The following FYN variants were observed in gnomAD, a reference collection of about 807,000 sequenced individuals.
The protein encoded by FYN is tyrosine-protein kinase Fyn.
FYN carries 10 observed loss-of-function variants against 70.2 expected under a neutral mutation model. The observed-to-expected ratio is 0.14, with a 90% CI of 0.09 to 0.24. FYN has a LOEUF of 0.24. Among genes scored for constraint, FYN ranks in the 10% least tolerant of loss-of-function variants. The pLI is 1.00. For missense variants in FYN, 319 were observed against 673.1 expected (o/e 0.47, Z 5.82); for synonymous variants, 236 against 248.6 (o/e 0.95, Z 0.48).
At chr6:111,808,616 C>G (rs1583461873) in intron 2 of FYN, among the ~76,000 whole-genome samples, 1 of 152,156 alleles carries the variant, frequency 6.6e-6, no homozygotes, top group East Asian at 1.9e-4. Context: ...ACATAGAAGT[C>G]AATTTTCTGG....
At chr6:111,720,520 A>T (rs528434482) in intron 3 of FYN, among the ~76,000 whole-genome samples, 1 of 152,334 alleles carries the variant, frequency 6.6e-6, no homozygotes, top group East Asian at 1.9e-4. Flanking sequence ...GTGTTGGATA[A>T]GCCAGAATAC....
At chr6:111,725,069 G>T (rs1801131155) in intron 3 of FYN, among the ~76,000 whole-genome samples, 1 of 152,088 alleles carries the variant, frequency 6.6e-6, no homozygotes, top group South Asian at 2.1e-4. Flanking sequence ...TTAGGAAAAG[G>T]ATAAGATGTG....
At chr6:111,788,271 T>C (rs1052340170) in intron 2 of FYN, among the ~76,000 whole-genome samples, 3 of 152,226 alleles carry the variant, frequency 2.0e-5, no homozygotes, top group African/African-American at 7.2e-5. Context: ...CTTCGAACCA[T>C]TGGCACCTTG....
chr6:111,859,224 T>C (rs1773898129), intron 1 of FYN, among the ~76,000 whole-genome samples: 1 of 152,192 alleles, frequency 6.6e-6, no homozygotes, highest in African/African-American at 2.4e-5. Context: ...CTGATTCATA[T>C]GATGTTTTCT....
intron 2 of FYN, among the ~76,000 whole-genome samples, chr6:111,809,116 G>A (rs980540342): frequency 6.6e-6 from 1 of 152,144 alleles, no homozygotes; most frequent in African/African-American, 2.4e-5. Context: ...CATACTCATG[G>A]CCTATAGCAA....
chr6:111,820,132 T>C (rs1390050302), intron 2 of FYN: 1 of 152,232 alleles, frequency 6.6e-6, no homozygotes, highest in African/African-American at 2.4e-5. Flanking sequence ...TCCATGATAC[T>C]GAATGGGAAC....
At chr6:111,702,807 C>CT in intron 8 of FYN, 78 bp downstream of exon 8, 1 of 1,424,890 alleles carries the variant, frequency 7.0e-7, no homozygotes, top group Non-Finnish European at 9.7e-7. Flanking sequence ...AGTTTTACCC[C>CT]TTTCCACTTT....
chr6:111,666,758 A>G (rs1008047080), intron 13 of FYN, among the ~76,000 whole-genome samples: 4 of 152,102 alleles, frequency 2.6e-5, no homozygotes, highest in Non-Finnish European at 5.9e-5. Context: ...GCTTGAGCCC[A>G]GGAGGTTGAG....
chr6:111,779,098 C>T (rs570222808), intron 3 of FYN, among the ~76,000 whole-genome samples: 1 of 147,242 alleles, frequency 6.8e-6, no homozygotes, highest in Non-Finnish European at 1.5e-5. Flanking sequence ...TTTGAATTCC[C>T]TTGTCAGGGA....
chr6:111,672,500 T>C (rs928094356), intron 13 of FYN, among the ~76,000 whole-genome samples: 2 of 152,192 alleles, frequency 1.3e-5, no homozygotes. Flanking sequence ...CTGACCCCAT[T>C]ATCAGAATGA....
intron 2 of FYN, among the ~76,000 whole-genome samples, chr6:111,784,769 G>A (rs1191685043): frequency 1.3e-5 from 2 of 152,134 alleles, no homozygotes; most frequent in African/African-American, 2.4e-5. Flanking sequence ...CCAATTACTT[G>A]GGGAAAAGGA....
At position 111,714,579 on chromosome 6, in the gene FYN, T is replaced by G. The variant is rs1800532507; in HGVS notation, c.248-136A>C. ...CTAATAACATGATGAAGTGTTGTAA[T>G]TAACGTGTCAAAACCACAGTCACAG... is the stretch of plus-strand genomic sequence containing the variant. On this transcript the variant is annotated intron_variant, in intron 4 of 13. Transcript: ENST00000354650. 1.3e-5 allele frequency: 9 copies of G among 687,184 alleles called. 1 individual carries two copies. Among genetic ancestry groups the G allele is most frequent in the South Asian group, 1.0e-4 (6 of 57,220 alleles). 42.6% of individuals were successfully genotyped at this position (687,184 alleles called of 1,614,324 possible). A position where few individuals can be genotyped will look rare whatever the true frequency, so the allele number is the denominator to read the frequency against.
intron 2 of FYN, among the ~76,000 whole-genome samples, chr6:111,811,795 G>A (rs774647869): frequency 3.9e-5 from 6 of 152,188 alleles, no homozygotes; most frequent in Non-Finnish European, 7.3e-5. Context: ...GGTATTGCTA[G>A]TCAGCTGTGG....
At chr6:111,811,035 T>C (rs1032804550) in intron 2 of FYN, among the ~76,000 whole-genome samples, 1 of 152,200 alleles carries the variant, frequency 6.6e-6, no homozygotes, top group Non-Finnish European at 1.5e-5. Flanking sequence ...TAAAGAATAA[T>C]TGGAGCTGCT....
chr6:111,815,846 G>T (rs981907815), intron 2 of FYN, among the ~76,000 whole-genome samples: 1 of 151,768 alleles, frequency 6.6e-6, no homozygotes, highest in Admixed American at 6.6e-5. Flanking sequence ...CCTCACAGCT[G>T]AGACTACAGG....
chr6:111,672,716 A>T (rs1798340301), intron 13 of FYN, among the ~76,000 whole-genome samples: 1 of 152,212 alleles, frequency 6.6e-6, no homozygotes, highest in Non-Finnish European at 1.5e-5. Context: ...GGCAGGTACT[A>T]ATCAAGGCTT....
intron 2 of FYN, among the ~76,000 whole-genome samples, chr6:111,823,513 T>G (rs890043500): frequency 6.6e-6 from 1 of 150,918 alleles, no homozygotes; most frequent in Non-Finnish European, 1.5e-5. Context: ...AATTTTATAC[T>G]TTTTTCCCCC....
At chr6:111,811,826 T>C (rs527420991) in intron 2 of FYN, among the ~76,000 whole-genome samples, 2 of 152,224 alleles carry the variant, frequency 1.3e-5, no homozygotes, top group East Asian at 3.9e-4. Context: ...TGTCAGATTA[T>C]ATAGATTAGA....
chr6:111,692,913 G>A (rs1004872826), intron 12 of FYN, among the ~76,000 whole-genome samples: 7 of 152,172 alleles, frequency 4.6e-5, no homozygotes, highest in African/African-American at 9.7e-5. Flanking sequence ...GCTGCAGTGC[G>A]CCTTTGATTA....
Sources: allele counts gnomAD v4.1 joint callset (sites outside exome capture counted in the v4.1 genomes callset), GRCh38; gene constraint gnomAD v4.1.1; transcripts MANE v1.5; gene names NCBI Gene and HGNC (gene_info 2026-07-23, HGNC 2026-07-21).